BRAP: variants seen among roughly 807,000 people sequenced by gnomAD.
The protein encoded by BRAP is BRCA1-associated protein.
BRAP carries 42 observed loss-of-function variants against 73.4 expected under a neutral mutation model. The ratio of observed to expected loss-of-function variants is 0.57; its 90% CI spans 0.45 to 0.74. The LOEUF (loss-of-function observed/expected upper bound fraction) is 0.74, where lower values mean the gene tolerates loss of function less well. Among genes scored for constraint, BRAP ranks in the 30% least tolerant of loss-of-function variants. The pLI is 0.00. For synonymous variants in BRAP, 255 were observed against 267.4 expected, an observed-to-expected ratio of 0.95 and a Z score of 0.45; for missense variants, 593 against 751.4, an observed-to-expected ratio of 0.79 and a Z score of 2.46.
intron 10 of BRAP, among the ~76,000 whole-genome samples, chr12:111,654,766 T>C (rs961676532): frequency 3.3e-5 from 5 of 152,186 alleles, no homozygotes; most frequent in Non-Finnish European, 5.9e-5. Context: ...CTGTACTGCC[T>C]ATCTGAAGGC....
At chr12:111,669,097 T>C (rs1887070489) in intron 5 of BRAP, among the ~76,000 whole-genome samples, 1 of 152,226 alleles carries the variant, frequency 6.6e-6, no homozygotes. Flanking sequence ...AGTCAATAGT[T>C]AAGTAACGTT....
chr12:111,658,409 T>G (rs767454405), intron 9 of BRAP, among the ~76,000 whole-genome samples: 10 of 151,898 alleles, frequency 6.6e-5, no homozygotes, highest in Non-Finnish European at 1.5e-4. Context: ...CAAGCGATTC[T>G]CTGCTTCCCG....
intron 9 of BRAP, among the ~76,000 whole-genome samples, 160 bp downstream of exon 9, chr12:111,658,576 A>T (rs1230483133): frequency 3.9e-5 from 6 of 152,176 alleles, no homozygotes; most frequent in African/African-American, 1.4e-4. Flanking sequence ...CACCTGCCTC[A>T]GCCTCCCAAA....
chr12:111,658,800 A>G lies in BRAP; in HGVS notation c.1157T>C (p.Ile386Thr). 1 of 1,612,938 alleles carries G rather than the reference A, an allele frequency of 6.2e-7. No homozygotes were observed. The highest frequency in any genetic ancestry group is 8.5e-7 in the Non-Finnish European group (1 of 1,179,188). Residue 386 changes from isoleucine to threonine, a missense_variant, in exon 9 of 12, where the codon ATA (isoleucine) becomes ACA (threonine). Ile to Thr is a moderately conservative substitution (Grantham distance 89). Transcript: ENST00000419234. The part of the protein sequence containing the change: ...RLVASKTDGK[I>T]VQYECEGDTC... ...ATCCCCCTCACATTCATACTGTACT[A>G]TTTTTCCATCTGTTTTACTTGCAAC...
At chr12:111,672,551 T>C (rs1887217687) in intron 5 of BRAP, 110 bp downstream of exon 5, 2 of 899,776 alleles carry the variant, frequency 2.2e-6, no homozygotes, top group African/African-American at 1.7e-5. Context: ...ACCAGTCTAC[T>C]TTCTGTGTCT....
chr12:111,646,112 G>A (rs1281096256), intron 11 of BRAP, among the ~76,000 whole-genome samples: 3 of 151,956 alleles, frequency 2.0e-5, no homozygotes, highest in South Asian at 2.1e-4. Context: ...GCGAGACACC[G>A]TCTATACAAA....
intron 4 of BRAP, among the ~76,000 whole-genome samples, chr12:111,674,273 C>T (rs1286921839): frequency 1.3e-5 from 2 of 151,740 alleles, no homozygotes; most frequent in Non-Finnish European, 2.9e-5. Context: ...GATGGTGTCT[C>T]GCTTTGTCAC....
chr12:111,674,128 T>C (rs1382435535), intron 4 of BRAP, among the ~76,000 whole-genome samples: 1 of 152,190 alleles, frequency 6.6e-6, no homozygotes, highest in Non-Finnish European at 1.5e-5. Flanking sequence ...GGCAAAAATA[T>C]TCCTGCCTGT....
intron 3 of BRAP, among the ~76,000 whole-genome samples, chr12:111,680,436 C>T (rs1887556164): frequency 6.6e-6 from 1 of 151,894 alleles, no homozygotes. Flanking sequence ...GTGACTCACA[C>T]CTGTAATCCC....
intron 4 of BRAP, among the ~76,000 whole-genome samples, chr12:111,675,855 G>A (rs1014132413): frequency 6.6e-6 from 1 of 151,938 alleles, no homozygotes; most frequent in Non-Finnish European, 1.5e-5. Context: ...AACTAAGCAC[G>A]CAGGTGAAAA....
chr12:111,657,937 T>TA (rs996740496), intron 9 of BRAP, among the ~76,000 whole-genome samples: 77 of 151,850 alleles, frequency 5.1e-4, no homozygotes, highest in African/African-American at 1.8e-3. Flanking sequence ...CAGTGAAACT[T>TA]AGACTTTTTT....
At chr12:111,660,952 A>T (rs913247702) in intron 6 of BRAP, among the ~76,000 whole-genome samples, 2 of 152,058 alleles carry the variant, frequency 1.3e-5, no homozygotes, top group African/African-American at 4.8e-5. Flanking sequence ...GGTTACAATT[A>T]GGACTTCATT....
chr12:111,681,583 C>CG (rs1161404045), intron 3 of BRAP, 54 bp downstream of exon 3: 2 of 1,120,036 alleles, frequency 1.8e-6, no homozygotes, highest in East Asian at 2.8e-5. Context: ...TAAAGCAAAG[C>CG]AAAAAAAAAA....
At chr12:111,678,972 C>A (rs61941272) in intron 4 of BRAP, among the ~76,000 whole-genome samples, 179 bp downstream of exon 4, 1,719 of 151,204 alleles carry the variant, frequency 0.011, 10 homozygotes, top group Non-Finnish European at 0.019. Flanking sequence ...AAAGTGTATA[C>A]GTTATAATTG....
intron 5 of BRAP, among the ~76,000 whole-genome samples, chr12:111,671,269 G>A (rs140924637): frequency 2.8e-3 from 422 of 152,166 alleles, no homozygotes; most frequent in South Asian, 6.2e-3. Context: ...CAGAATCAAC[G>A]CCATGCACAG....
Position 111,649,939 on chromosome 12 carries a change from T to C in BRAP, c.1415A>G (p.Lys472Arg), listed in dbSNP as rs118186470. 139 of 1,590,688 alleles carry C rather than the reference T, an allele frequency of 8.7e-5. 2 individuals are homozygous for C. The East Asian group carries it at 2.9e-3, about 33-fold the overall frequency. ...AACAGAATAGACCGATTATACCTAC[T>C]TTCTTTCCACAGACTGCTTTTCTTT... ...LLKEKQSVER[K>R]CTQLNTKVAK... The change falls in exon 11 of 12, where the codon AAG becomes AGG. Residue 472 changes from lysine to arginine, a missense_variant and splice_region_variant. By Grantham distance (26) the Lys-to-Arg change is conservative. Transcript: ENST00000419234.
intron 6 of BRAP, among the ~76,000 whole-genome samples, chr12:111,663,701 ACT>A (rs112215009): frequency 7.9e-5 from 12 of 151,864 alleles, no homozygotes; most frequent in African/African-American, 2.7e-4. Flanking sequence ...CCAAGTGTAA[ACT>A]CTCTTAGACC....
At chr12:111,649,021 C>T (rs79280544) in intron 11 of BRAP, among the ~76,000 whole-genome samples, 1 of 151,802 alleles carries the variant, frequency 6.6e-6, no homozygotes, top group Non-Finnish European at 1.5e-5. Context: ...ACAACAACAA[C>T]AAAAAAAACC....
intron 4 of BRAP, among the ~76,000 whole-genome samples, chr12:111,673,939 T>A (rs990310892): frequency 2.0e-5 from 3 of 152,192 alleles, no homozygotes; most frequent in Non-Finnish European, 4.4e-5. Context: ...ACTCAGCCAA[T>A]TTTTTAAGGC....
Sources: allele counts gnomAD v4.1 joint callset (sites outside exome capture counted in the v4.1 genomes callset), GRCh38; gene constraint gnomAD v4.1.1; transcripts MANE v1.5; gene names NCBI Gene and HGNC (gene_info 2026-07-23, HGNC 2026-07-21).